The following ITGB8 variants were observed in gnomAD, a reference collection of about 807,000 sequenced individuals.
ITGB8 encodes the protein integrin beta-8.
In ITGB8, 30 loss-of-function variants were observed where a neutral mutation model predicts 89.5. The ratio of observed to expected loss-of-function variants is 0.34; its 90% CI spans 0.25 to 0.45. The LOEUF is 0.45. Ranked by LOEUF, ITGB8 falls within the 20% of genes least tolerant of loss-of-function variation. The probability of loss-of-function intolerance (pLI) is 1.00; values close to 1 mark genes in which losing one functional copy is unlikely to be tolerated. For synonymous variants in ITGB8, 335 were observed against 320.4 expected (o/e 1.05, Z -0.49); for missense variants, 836 against 933.3 (o/e 0.90, Z 1.36).
chr7:20,396,562 G>A (rs575262666), intron 8 of ITGB8, among the ~76,000 whole-genome samples: 13 of 152,278 alleles, frequency 8.5e-5, no homozygotes, highest in African/African-American at 3.1e-4. Context: ...ATAAGGAAGA[G>A]CGTCTTAAAT....
rs751381514 is a variant in ITGB8, at chr7:20,406,159, G to A, written c.2011G>A (p.Asp671Asn). 66 of 1,599,712 alleles carry A rather than the reference G, an allele frequency of 4.1e-5. No individual in the cohort carries two copies. The highest frequency in any genetic ancestry group is 1.6e-4 in the Middle Eastern group (1 of 6,068). Residue 671 changes from aspartate (D) to asparagine (N), a missense_variant, in exon 12 of 14, where the codon GAC becomes AAC. Asp to Asn is a conservative substitution (Grantham distance 23). Transcript: ENST00000222573. Reference sequence around the variant, plus strand: ...TCTCATGGAACAACAGCATTATGTCGACCAAACTTCAGGTAGGCCAAAGCT... The same window carrying A: ...TCTCATGGAACAACAGCATTATGTCAACCAAACTTCAGGTAGGCCAAAGCT... ...CALMEQQHYV[D>N]QTSECFSSPS...
intron 6 of ITGB8, among the ~76,000 whole-genome samples, chr7:20,384,597 G>C (rs1271524415): frequency 6.6e-6 from 1 of 152,202 alleles, no homozygotes; most frequent in East Asian, 1.9e-4. Context: ...TAAGTTGCCT[G>C]AGAATAAACA....
upstream of ITGB8, chr7:20,329,772 C>G (rs1583452721): frequency 6.6e-6 from 1 of 152,238 alleles, no homozygotes; most frequent in East Asian, 1.9e-4. Context: ...GAATGGGAAT[C>G]GCTCCTGCCC....
chr7:20,406,554 A>T (rs1473991634), intron 12 of ITGB8, among the ~76,000 whole-genome samples: 1 of 152,138 alleles, frequency 6.6e-6, no homozygotes. Context: ...CCATTTAAAA[A>T]AAAAAAAAAG....
intron 4 of ITGB8, chr7:20,380,408 C>A: frequency 2.6e-6 from 1 of 388,682 alleles, no homozygotes; most frequent in East Asian, 6.0e-5. Context: ...TTTAACTGTC[C>A]TATATTAAAA....
chr7:20,367,796 A>G (rs1434114043), intron 3 of ITGB8, among the ~76,000 whole-genome samples: 1 of 151,988 alleles, frequency 6.6e-6, no homozygotes, highest in African/African-American at 2.4e-5. Flanking sequence ...CCTCTTTTGT[A>G]CTTCCCCTTC....
intron 1 of ITGB8, among the ~76,000 whole-genome samples, chr7:20,357,908 C>A (rs183883003): frequency 6.6e-6 from 1 of 152,244 alleles, no homozygotes; most frequent in East Asian, 1.9e-4. Flanking sequence ...GCAATTAAAT[C>A]TTTTTCTGAT....
chr7:20,347,173 G>A (rs1222383986), intron 1 of ITGB8, among the ~76,000 whole-genome samples: 1 of 152,212 alleles, frequency 6.6e-6, no homozygotes, highest in African/African-American at 2.4e-5. Context: ...AAAACTGCGA[G>A]AAATAAATTC....
rs1787838885 is a variant in ITGB8 at position 20,413,644 on chromosome 7, A to T, written c.*3647A>T. The T allele has an allele frequency of 6.6e-6, 1 of 152,102 alleles. No homozygotes were observed. Among genetic ancestry groups the T allele is most frequent in the South Asian group, 2.1e-4 (1 of 4,836 alleles). The allele number at this position is 152,102 out of a possible 1,614,324, so 9.4% of individuals were successfully genotyped here. ...TGGTATAATGAAGTTCTTCATTTCCAGACATCTTTAATTGATCTTAAAGCT... is the reference window on the plus strand; with the variant it reads ...TGGTATAATGAAGTTCTTCATTTCCTGACATCTTTAATTGATCTTAAAGCT... On this transcript the variant is annotated 3_prime_UTR_variant, in exon 14 of 14. Transcript: ENST00000222573.
At chr7:20,406,223 TG>T (rs777359890) in intron 12 of ITGB8, 52 bp downstream of exon 12, 9 of 1,132,306 alleles carry the variant, frequency 7.9e-6, no homozygotes, top group Non-Finnish European at 8.1e-6. Context: ...TAGAGGATGA[TG>T]TTCCCCCAAA....
intron 11 of ITGB8, 134 bp from the exon 12 acceptor site, chr7:20,405,924 GGAGT>G (rs758543503): frequency 1.9e-4 from 106 of 570,804 alleles, no homozygotes; most frequent in Middle Eastern, 3.2e-4. Context: ...ATGTAATGAT[GGAGT>G]TAGTTCTAAT....
At position 20,402,036 on chromosome 7, in the gene ITGB8, T is replaced by C; in HGVS notation, c.1597T>C (p.Cys533Arg). ...RGVCVCGKCSCHKIKLGKVYG... is the reference protein window; with the variant it reads ...RGVCVCGKCSRHKIKLGKVYG... Reference sequence around the variant, plus strand: ...AGTTTGTGTTTGTGGGAAATGTTCATGTCACAAAATTAAGCTTGGAAAAGT... The same window carrying C: ...AGTTTGTGTTTGTGGGAAATGTTCACGTCACAAAATTAAGCTTGGAAAAGT... Residue 533 changes from cysteine to arginine, a missense_variant, in exon 10 of 14, where the codon TGT becomes CGT. Physicochemically the swap from Cys to Arg is radical, Grantham distance 180. This residue lies in a region of ITGB8 where 422 missense variants were observed against 416.9 expected (regional missense o/e 1.01). Transcript: ENST00000222573. The C allele has an allele frequency of 1.2e-6, 2 of 1,614,194 alleles. No individual in the cohort carries two copies. Among genetic ancestry groups the C allele is most frequent in the Non-Finnish European group, 8.5e-7 (1 of 1,180,022 alleles).
At chr7:20,382,251 T>C (rs1336658202) in intron 6 of ITGB8, among the ~76,000 whole-genome samples, 1 of 152,150 alleles carries the variant, frequency 6.6e-6, no homozygotes, top group Non-Finnish European at 1.5e-5. Context: ...TCTACAAACA[T>C]TTTAAGGAGG....
chr7:20,390,218 A>G (rs1011668512), intron 6 of ITGB8, among the ~76,000 whole-genome samples: 1 of 152,138 alleles, frequency 6.6e-6, no homozygotes, highest in Non-Finnish European at 1.5e-5. Context: ...TTGAACTTAA[A>G]TGTTATGATA....
At chr7:20,365,518 C>T (rs935956995) in intron 2 of ITGB8, 5 of 152,180 alleles carry the variant, frequency 3.3e-5, no homozygotes, top group African/African-American at 1.2e-4. Context: ...TTGAACCCGC[C>T]TCACAGTCTT....
chr7:20,406,483 G>A (rs905300877), intron 12 of ITGB8, among the ~76,000 whole-genome samples: 1 of 152,018 alleles, frequency 6.6e-6, no homozygotes, highest in African/African-American at 2.4e-5. Context: ...CCGGGAGGCG[G>A]AGGTTGCAAT....
At chr7:20,344,806 T>C (rs1784869518) in intron 1 of ITGB8, among the ~76,000 whole-genome samples, 1 of 152,178 alleles carries the variant, frequency 6.6e-6, no homozygotes, top group South Asian at 2.1e-4. Context: ...ATACGATGTT[T>C]TGGGCAATGC....
intron 10 of ITGB8, among the ~76,000 whole-genome samples, chr7:20,404,203 G>C (rs1204284774): frequency 6.6e-6 from 1 of 152,224 alleles, no homozygotes; most frequent in Non-Finnish European, 1.5e-5. Flanking sequence ...TAGGCCTTCA[G>C]CAACATCAGA....
chr7:20,392,352 T>A (rs2127974004), intron 7 of ITGB8, among the ~76,000 whole-genome samples: 1 of 152,286 alleles, frequency 6.6e-6, no homozygotes, highest in African/African-American at 2.4e-5. Flanking sequence ...TACTTATTTT[T>A]AAAAACTGCA....
Sources: gnomAD v4.1 joint callset for allele counts (sites outside exome capture counted in the v4.1 genomes callset) on GRCh38, gnomAD v4.1.1 for gene constraint, gnomAD v4.1.1 regional missense constraint, MANE v1.5 for transcripts, NCBI Gene and HGNC (gene_info 2026-07-23, HGNC 2026-07-21) for gene names.